The following ZC3H12B variants were observed in gnomAD, a reference collection of about 807,000 sequenced individuals.
The protein encoded by ZC3H12B is probable ribonuclease ZC3H12B.
In ZC3H12B, 7 loss-of-function variants were observed where a neutral mutation model predicts 43.9. That is an observed-to-expected ratio of 0.16 (90% confidence interval 0.09 to 0.30). ZC3H12B has a LOEUF of 0.30. ZC3H12B is among the 10% of genes least tolerant of loss of function. The pLI, the probability that ZC3H12B is intolerant of heterozygous loss-of-function variation, is 1.00. For missense variants in ZC3H12B, 475 were observed against 670.2 expected (o/e 0.71, Z 3.22); for synonymous variants, 222 against 241.7 (o/e 0.92, Z 0.76).
chrX:65,375,490 G>A (rs910461589), intron 2 of ZC3H12B, among the ~76,000 whole-genome samples: 2 of 111,951 alleles, frequency 1.8e-5, no homozygotes, highest in Non-Finnish European at 3.8e-5. Flanking sequence ...GCCACATCGC[G>A]CCCAACCCTT....
At chrX:65,318,393 CCTT>C in the ZC3H12B span, among the ~76,000 whole-genome samples, 8 of 105,886 alleles carry the variant, frequency 7.6e-5, no homozygotes, top group Admixed American at 1.0e-4. Context: ...CCTTCTTCTT[CCTT>C]CTTCTTCTTC....
chrX:65,056,604 G>A, the ZC3H12B span, among the ~76,000 whole-genome samples: 2 of 111,497 alleles, frequency 1.8e-5, no homozygotes, highest in Non-Finnish European at 1.9e-5. Context: ...TGTCTATTAG[G>A]TCCTCTTGGT....
chrX:65,119,875 T>A, the ZC3H12B span, among the ~76,000 whole-genome samples: 1 of 111,999 alleles, frequency 8.9e-6, no homozygotes, highest in East Asian at 2.8e-4. Context: ...GGCTAGCCAG[T>A]TTTCCTAGCA....
chrX:65,385,796 C>T (rs2066515879), intron 2 of ZC3H12B, among the ~76,000 whole-genome samples: 1 of 111,802 alleles, frequency 8.9e-6, no homozygotes, highest in Non-Finnish European at 1.9e-5. Flanking sequence ...ATAAATAGCT[C>T]TTATTATTTT....
the ZC3H12B span, among the ~76,000 whole-genome samples, chrX:65,086,672 G>C: frequency 8.9e-6 from 1 of 112,140 alleles, no homozygotes; most frequent in African/African-American, 3.2e-5. Flanking sequence ...AGAAAAGAAG[G>C]TTGTCTGTGA....
At chrX:65,285,293 C>A in the ZC3H12B span, among the ~76,000 whole-genome samples, 2 of 109,718 alleles carry the variant, frequency 1.8e-5, no homozygotes, top group African/African-American at 3.3e-5. Context: ...CCTTGAGTGC[C>A]CAAAGTCCAT....
intron 3 of ZC3H12B, among the ~76,000 whole-genome samples, chrX:65,441,067 C>G (rs899925523): frequency 1.8e-5 from 2 of 112,060 alleles, no homozygotes; most frequent in African/African-American, 6.5e-5. Context: ...AAATTTTTTT[C>G]TAGTCCCATG....
chrX:65,207,656 G>A, the ZC3H12B span, among the ~76,000 whole-genome samples: 1 of 103,414 alleles, frequency 9.7e-6, no homozygotes, highest in African/African-American at 3.7e-5. Flanking sequence ...ACTTGGCAAT[G>A]CGGGCTCTTT....
At chrX:65,409,517 C>T (rs1489780664) in intron 3 of ZC3H12B, among the ~76,000 whole-genome samples, 1 of 105,813 alleles carries the variant, frequency 9.5e-6, no homozygotes, top group Non-Finnish European at 1.9e-5. Context: ...TTTTTGTTTG[C>T]AGACAATATG....
intron 3 of ZC3H12B, among the ~76,000 whole-genome samples, chrX:65,432,851 C>G (rs145821755): frequency 3.6e-3 from 401 of 111,808 alleles, no homozygotes; most frequent in African/African-American, 0.012. Flanking sequence ...AGAGTCATTG[C>G]CACTTTTTGC....
the ZC3H12B span, among the ~76,000 whole-genome samples, chrX:65,118,844 C>T: frequency 1.1e-5 from 1 of 94,133 alleles, no homozygotes; most frequent in Non-Finnish European, 2.1e-5. Flanking sequence ...GTTCCCCTTC[C>T]TGTGTCCATG....
At chrX:65,043,242 G>A in the ZC3H12B span, among the ~76,000 whole-genome samples, 1 of 110,579 alleles carries the variant, frequency 9.0e-6, no homozygotes, top group African/African-American at 3.3e-5. Context: ...TGTCTACCAC[G>A]AAGTATAAAC....
At chrX:65,431,963 C>A (rs1199131757) in intron 3 of ZC3H12B, among the ~76,000 whole-genome samples, 1 of 111,920 alleles carries the variant, frequency 8.9e-6, no homozygotes, top group African/African-American at 3.2e-5. Flanking sequence ...TTGAGTGGTG[C>A]ATGTGTATCA....
the ZC3H12B span, among the ~76,000 whole-genome samples, chrX:65,229,332 T>C: frequency 4.5e-5 from 5 of 111,486 alleles, no homozygotes; most frequent in East Asian, 1.4e-3. Context: ...GCTAGTCACA[T>C]GTAGAAAGCT....
chrX:65,180,035 G>A, the ZC3H12B span, among the ~76,000 whole-genome samples: 1 of 111,417 alleles, frequency 9.0e-6, no homozygotes, highest in East Asian at 2.8e-4. Context: ...ACCAAAACCT[G>A]GCAGAGACAC....
At chrX:65,168,248 G>C in the ZC3H12B span, among the ~76,000 whole-genome samples, 140 of 111,826 alleles carry the variant, frequency 1.3e-3, no homozygotes, top group Middle Eastern at 4.6e-3. Flanking sequence ...AGCATGAAGG[G>C]CTGTTGAATT....
At chrX:65,252,044 C>A in the ZC3H12B span, among the ~76,000 whole-genome samples, 1 of 111,747 alleles carries the variant, frequency 8.9e-6, no homozygotes, top group Non-Finnish European at 1.9e-5. Flanking sequence ...CCAGTTTTTG[C>A]CCATTCAGTA....
the ZC3H12B span, among the ~76,000 whole-genome samples, chrX:65,188,379 G>C: frequency 2.7e-5 from 1 of 37,212 alleles, no homozygotes; most frequent in African/African-American, 9.4e-5. Flanking sequence ...TTTTTTTTTT[G>C]AGAAGCCTTC....
the ZC3H12B span, chrX:65,186,252 G>A: frequency 1.3e-4 from 14 of 110,927 alleles, no homozygotes; most frequent in African/African-American, 3.9e-4. Context: ...AGCACTTTGG[G>A]AGGCCGAGGT....
Sources: gnomAD v4.1 joint callset for allele counts (sites outside exome capture counted in the v4.1 genomes callset) on GRCh38, gnomAD v4.1.1 for gene constraint, MANE v1.5 for transcripts, NCBI Gene and HGNC (gene_info 2026-07-23, HGNC 2026-07-21) for gene names.